Variants in CACNG5 observed in about 807,000 individuals in gnomAD.
CACNG5 encodes voltage-dependent calcium channel gamma-5 subunit.
Under a neutral mutation model 24.8 loss-of-function variants are expected in CACNG5, and 18 were observed. The observed-to-expected ratio is 0.73, with a 90% CI of 0.50 to 1.08. The LOEUF is 1.08. CACNG5 is among the 50% of genes least tolerant of loss of function. CACNG5 has a pLI of 0.00. For synonymous variants in CACNG5, 157 were observed against 149.1 expected (o/e 1.05, Z -0.39); for missense variants, 349 against 367.9 (o/e 0.95, Z 0.42).
At position 66,887,283 on chromosome 17, in the gene CACNG5, G is replaced by A. The variant is rs1056805415; in HGVS notation, c.*2043G>A. ...CCACTCTGAGGGGCTTGGCCTAAAT[G>A]GTTTCCAAGCCCACTCCCCTCCCAC... On this transcript the variant is annotated 3_prime_UTR_variant, in exon 6 of 6. Transcript: ENST00000533854. 6.6e-6 allele frequency among the ~76,000 whole-genome samples: 1 copy of A among 152,048 alleles called. No individual in the cohort carries two copies. Among genetic ancestry groups the A allele is most frequent in the Admixed American group, 6.5e-5 (1 of 15,284 alleles).
At chr17:66,862,095 GT>G in intron 1 of CACNG5, among the ~76,000 whole-genome samples, 1 of 152,308 alleles carries the variant, frequency 6.6e-6, no homozygotes, top group Non-Finnish European at 1.5e-5. Context: ...ATGGCAGAGA[GT>G]TGGGTTGTAT....
Position 66,886,439 on chromosome 17 carries a change from G to C in CACNG5, c.*1199G>C, listed in dbSNP as rs946894714. On this transcript the variant is annotated 3_prime_UTR_variant, in exon 6 of 6. Coordinates refer to ENST00000533854, the MANE Select transcript of CACNG5 (RefSeq NM_145811.3). ...AGGCAGTGTGACACCCATTCTTCTG[G>C]TGGGAAACCGGAGCCAGGAGGGTTT... is the stretch of plus-strand genomic sequence containing the variant. Among the ~76,000 whole-genome samples the C allele has an allele frequency of 2.6e-5, 4 of 152,182 alleles. No individual in the cohort carries two copies. Among genetic ancestry groups the C allele is most frequent in the Admixed American group, 2.6e-4 (4 of 15,278 alleles).
chr17:66,844,368 A>G (rs1001996621), intron 1 of CACNG5, among the ~76,000 whole-genome samples: 3 of 152,212 alleles, frequency 2.0e-5, no homozygotes, highest in African/African-American at 7.2e-5. Flanking sequence ...ATGTGGCCTT[A>G]GGTGAGTCAT....
In CACNG5 at chr17:66,894,055, G is replaced by C. The variant is rs1045917118; in HGVS notation, c.*8815G>C. Among the ~76,000 whole-genome samples the C allele has an allele frequency of 2.6e-5, 4 of 152,130 alleles. No individual in the cohort carries two copies. The highest frequency in any genetic ancestry group is 9.7e-5 in the African/African-American group (4 of 41,406). ...AAAGTCCAGCGGTGTAGGTGCCAGGGTTCTTGACACCTGTTGTCCTGTGTC... is the reference window on the plus strand; with the variant it reads ...AAAGTCCAGCGGTGTAGGTGCCAGGCTTCTTGACACCTGTTGTCCTGTGTC... On this transcript the variant is annotated 3_prime_UTR_variant, in exon 6 of 6. Coordinates refer to ENST00000533854, the MANE Select transcript of CACNG5 (RefSeq NM_145811.3).
At chr17:66,876,849 AC>A in intron 1 of CACNG5, among the ~76,000 whole-genome samples, 1 of 152,184 alleles carries the variant, frequency 6.6e-6, no homozygotes, top group Admixed American at 6.5e-5. Flanking sequence ...ACAGGTCTCT[AC>A]CACAGCCCTC....
In CACNG5 at chr17:66,885,372, C is replaced by A; in HGVS notation, c.*132C>A. 9.2e-7 allele frequency: 1 copy of A among 1,091,580 alleles called. No individual in the cohort carries two copies. The highest frequency in any genetic ancestry group is 1.3e-6 in the Non-Finnish European group (1 of 774,328). 67.6% of individuals were successfully genotyped at this position (1,091,580 alleles called of 1,614,324 possible). ...CATGCTTAGCTGTTGTCACTTGACC[C>A]CAGTCCTCTCCCTGCTTCTCCAGAA... On this transcript the variant is annotated 3_prime_UTR_variant, in exon 6 of 6. Coordinates refer to ENST00000533854, the MANE Select transcript of CACNG5 (RefSeq NM_145811.3).
In CACNG5 at chr17:66,877,467, C is replaced by T; in HGVS notation, c.135C>T (p.Asn45=). The T allele has an allele frequency of 6.2e-7, 1 of 1,613,984 alleles. No individual in the cohort carries two copies. Among genetic ancestry groups the T allele is most frequent in the East Asian group, 2.2e-5 (1 of 44,866 alleles). The change falls in exon 2 of 6, where the codon AAC becomes AAT. Residue 45 remains asparagine (N), a synonymous_variant. Transcript: ENST00000533854. ...AGGAGGGTGTGATTGTGCCCCAGAA[C>T]CAGAGCACCGAGATCAAGATGTCCC... ...YLEEGVIVPQ[N]QSTEIKMSLH... is the part of the protein sequence containing the mutation.
chr17:66,851,016 G>A (rs931318995), intron 1 of CACNG5, among the ~76,000 whole-genome samples: 8 of 152,190 alleles, frequency 5.3e-5, no homozygotes, highest in Non-Finnish European at 1.0e-4. Flanking sequence ...ACTGTAAAAC[G>A]TGGTCTTGGG....
rs188854462 is a variant in CACNG5 at position 66,841,051 on chromosome 17, G to A, written c.-104+5801G>A. Among the ~76,000 whole-genome samples the A allele has an allele frequency of 3.3e-4, 51 of 152,322 alleles. No individual in the cohort carries two copies. The East Asian group carries it at 8.7e-3, about 26-fold the overall frequency. ...AGTTGATTTTGCCAAGGATGAGGACGTGTGCCAGTGACAGCCTCAGGAGGT... is the reference window on the plus strand; with the variant it reads ...AGTTGATTTTGCCAAGGATGAGGACATGTGCCAGTGACAGCCTCAGGAGGT... On this transcript the variant is annotated intron_variant, in intron 1 of 5. Transcript: ENST00000533854.
intron 1 of CACNG5, among the ~76,000 whole-genome samples, chr17:66,845,651 TC>T (rs1367755707): frequency 6.6e-6 from 1 of 152,170 alleles, no homozygotes; most frequent in East Asian, 1.9e-4. Flanking sequence ...ATCGGTGCCT[TC>T]CCAGCTACCC....
intron 1 of CACNG5, among the ~76,000 whole-genome samples, chr17:66,857,628 C>T (rs1467369165): frequency 1.3e-5 from 2 of 152,178 alleles, no homozygotes; most frequent in African/African-American, 2.4e-5. Context: ...TCACTTTGGA[C>T]TTACCACGTT....
chr17:66,855,974 AC>A (rs1160386852), intron 1 of CACNG5, among the ~76,000 whole-genome samples: 1 of 152,204 alleles, frequency 6.6e-6, no homozygotes, highest in African/African-American at 2.4e-5. Flanking sequence ...TTGTATCCCA[AC>A]ATTTTGTTGT....
Position 66,878,564 on chromosome 17 carries a change from G to A in CACNG5, c.197-408G>A, listed in dbSNP as rs569223818. On this transcript the variant is annotated intron_variant, in intron 2 of 5. Coordinates refer to ENST00000533854, the MANE Select transcript of CACNG5 (RefSeq NM_145811.3). ...AAGTCACTAGGATCTGATTTCCAGG[G>A]TGGTTGACAGGGCTTTTGGAGTTTT... Among the ~76,000 whole-genome samples the A allele has an allele frequency of 5.3e-5, 8 of 152,344 alleles. No individual in the cohort carries two copies. In the South Asian group the frequency reaches 1.2e-3, roughly 24 times the overall value.
intron 1 of CACNG5, among the ~76,000 whole-genome samples, chr17:66,851,031 C>T (rs1048993426): frequency 1.3e-5 from 2 of 152,030 alleles, no homozygotes; most frequent in African/African-American, 2.4e-5. Flanking sequence ...CTTGGGCCCC[C>T]GCAAGGCCAG....
At chr17:66,838,231 C>T (rs769066483) in intron 1 of CACNG5, among the ~76,000 whole-genome samples, 2 of 151,720 alleles carry the variant, frequency 1.3e-5, no homozygotes, top group Non-Finnish European at 2.9e-5. Context: ...CTGTCACTCC[C>T]CTCGCCCTTT....
chr17:66,842,671 C>T (rs1480894584), intron 1 of CACNG5, among the ~76,000 whole-genome samples: 2 of 152,176 alleles, frequency 1.3e-5, no homozygotes, highest in South Asian at 2.1e-4. Flanking sequence ...TCTCTAACAC[C>T]AGGGCCAGCA....
chr17:66,882,432 TA>T (rs1977172595), intron 4 of CACNG5, among the ~76,000 whole-genome samples: 1 of 151,958 alleles, frequency 6.6e-6, no homozygotes, highest in Non-Finnish European at 1.5e-5. Flanking sequence ...GGACCAAAGA[TA>T]GAGATTGGAG....
In CACNG5 at chr17:66,892,536, T is replaced by A. The variant is rs1352869113; in HGVS notation, c.*7296T>A. The stretch of plus-strand genomic sequence containing the variant: ...AATAATTCATTTTGTGCTCAGCAGT[T>A]GTGAAAAAGAACAAGGCTCAAAGGC... On this transcript the variant is annotated 3_prime_UTR_variant, in exon 6 of 6. Transcript: ENST00000533854. 6.6e-6 allele frequency among the ~76,000 whole-genome samples: 1 copy of A among 152,232 alleles called. No individual in the cohort carries two copies. Among genetic ancestry groups the A allele is most frequent in the Non-Finnish European group, 1.5e-5 (1 of 68,042 alleles).
At chr17:66,879,671 G>T (rs1598062165) in intron 3 of CACNG5, among the ~76,000 whole-genome samples, 1 of 152,184 alleles carries the variant, frequency 6.6e-6, no homozygotes, top group African/African-American at 2.4e-5. Context: ...AGGTCTGGGG[G>T]TGGGTCCTGA....
Sources: gnomAD v4.1 joint callset for allele counts (sites outside exome capture counted in the v4.1 genomes callset) on GRCh38, gnomAD v4.1.1 for gene constraint, MANE v1.5 for transcripts, NCBI Gene and HGNC (gene_info 2026-07-23, HGNC 2026-07-21) for gene names.